The following RICTOR variants were observed in gnomAD, a reference collection of about 807,000 sequenced individuals.
RICTOR encodes the protein rapamycin-insensitive companion of mTOR.
Under a neutral mutation model 214.9 loss-of-function variants are expected in RICTOR, and 49 were observed. That is an observed-to-expected ratio of 0.23 (90% CI 0.18 to 0.29). The LOEUF (loss-of-function observed/expected upper bound fraction) is 0.29, where lower values mean the gene tolerates loss of function less well. Ranked by LOEUF, RICTOR falls within the 10% of genes least tolerant of loss-of-function variation. RICTOR has a pLI of 1.00. For synonymous variants in RICTOR, 717 were observed against 711.3 expected (o/e 1.01, Z -0.13); for missense variants, 1,625 against 2,047.0 (o/e 0.79, Z 3.98).
chr5:38,985,632 C>A (rs1325600985), intron 7 of RICTOR, among the ~76,000 whole-genome samples: 1 of 152,148 alleles, frequency 6.6e-6, no homozygotes, highest in Non-Finnish European at 1.5e-5. Flanking sequence ...AAATATTCAT[C>A]CATGTTCCCC....
rs945601056 is a variant in RICTOR, at chr5:38,939,534, T to C, written c.*2770A>G. 1 of 231,858 alleles carries C rather than the reference T, an allele frequency of 4.3e-6. No individual in the cohort carries two copies. The highest frequency in any genetic ancestry group is 1.8e-4 in the South Asian group (1 of 5,514). The allele number at this position is 231,858 out of a possible 1,614,324, so 14.4% of individuals were successfully genotyped here. A position where few individuals can be genotyped will look rare whatever the true frequency, so the allele number is the denominator to read the frequency against. ...TTAGAGCATATTTAATTATGAATACTAAATTTCTAATTTCCTTATTTATCA... is the reference window on the plus strand; with the variant it reads ...TTAGAGCATATTTAATTATGAATACCAAATTTCTAATTTCCTTATTTATCA... On this transcript the variant is annotated 3_prime_UTR_variant, in exon 38 of 38. Coordinates refer to ENST00000357387, the MANE Select transcript of RICTOR (RefSeq NM_152756.5).
intron 2 of RICTOR, among the ~76,000 whole-genome samples, chr5:39,058,436 G>T (rs1758331059): frequency 6.6e-6 from 1 of 152,128 alleles, no homozygotes; most frequent in African/African-American, 2.4e-5. Context: ...GATACTATCA[G>T]TCTAATAAAG....
intron 27 of RICTOR, among the ~76,000 whole-genome samples, chr5:38,953,839 A>C (rs185514961): frequency 1.3e-5 from 2 of 151,914 alleles, no homozygotes; most frequent in African/African-American, 4.8e-5. Context: ...TTGCATCATA[A>C]GGTTTCAAGA....
intron 2 of RICTOR, among the ~76,000 whole-genome samples, chr5:39,058,558 A>G (rs1388680148): frequency 6.6e-6 from 1 of 152,130 alleles, no homozygotes; most frequent in Non-Finnish European, 1.5e-5. Context: ...CTTAAAATAG[A>G]GAATCAGAAA....
intron 3 of RICTOR, 51 bp downstream of exon 3, chr5:39,020,988 G>T: frequency 2.3e-6 from 2 of 876,314 alleles, no homozygotes; most frequent in Non-Finnish European, 3.9e-6. Flanking sequence ...TTTAGTAAGT[G>T]TGGTAAGGAA....
intron 10 of RICTOR, among the ~76,000 whole-genome samples, chr5:38,974,372 G>A (rs1188888929): frequency 6.6e-6 from 1 of 151,946 alleles, no homozygotes; most frequent in Non-Finnish European, 1.5e-5. Flanking sequence ...AGGGCTCCAG[G>A]GGAAATTGAA....
At chr5:39,029,838 A>C (rs540217595) in intron 2 of RICTOR, among the ~76,000 whole-genome samples, 2 of 152,300 alleles carry the variant, frequency 1.3e-5, no homozygotes, top group African/African-American at 2.4e-5. Flanking sequence ...CTACTCAATA[A>C]ATAATGACTA....
intron 24 of RICTOR, 48 bp from the exon 25 acceptor site, chr5:38,957,778 G>A (rs373281433): frequency 2.9e-5 from 29 of 1,015,088 alleles, no homozygotes; most frequent in African/African-American, 1.8e-4. Context: ...TGGCAAAAAC[G>A]TATCTTAAGA....
At chr5:39,071,319 T>G (rs941288771) in intron 2 of RICTOR, among the ~76,000 whole-genome samples, 1 of 152,136 alleles carries the variant, frequency 6.6e-6, no homozygotes, top group Non-Finnish European at 1.5e-5. Flanking sequence ...TCAGATAGAC[T>G]ATACCCAATT....
rs546038963 is a variant in RICTOR, at chr5:38,973,710, C to T, written c.890-1751G>A. Among the ~76,000 whole-genome samples, 9 of 152,110 alleles carry T rather than the reference C, an allele frequency of 5.9e-5. No homozygotes were observed. The South Asian group carries it at 6.2e-4, about 11-fold the overall frequency. On this transcript the variant is annotated intron_variant, in intron 10 of 37. Transcript: ENST00000357387. ...TGCTTAAAGTATCAAAATACTATTTCGCAAATTTTGATGTCTGAGAGTAGT... is the reference window on the plus strand; with the variant it reads ...TGCTTAAAGTATCAAAATACTATTTTGCAAATTTTGATGTCTGAGAGTAGT...
chr5:39,074,005 C>G, intron 2 of RICTOR, 106 bp downstream of exon 2: 2 of 740,740 alleles, frequency 2.7e-6, no homozygotes, highest in Non-Finnish European at 3.6e-6. Context: ...GGCCCCCGCA[C>G]CCCGCCGGTC....
chr5:38,990,771 TGATATATATGA>T (rs1470085016), intron 7 of RICTOR, among the ~76,000 whole-genome samples, 167 bp downstream of exon 7: 2 of 118,860 alleles, frequency 1.7e-5, no homozygotes, highest in Non-Finnish European at 1.7e-5. Context: ...ATGAGATATA[TGATATATATGA>T]GATATATGAG....
rs559644315 is a variant in RICTOR, at chr5:38,949,505, G to A, written c.4136+207C>T. 2.3e-6 allele frequency: 3 copies of A among 1,324,434 alleles called. No individual in the cohort carries two copies. The East Asian group carries it at 7.0e-5, about 31-fold the overall frequency. 82.0% of individuals were successfully genotyped at this position (1,324,434 alleles called of 1,614,324 possible). A position where few individuals can be genotyped will look rare whatever the true frequency, so the allele number is the denominator to read the frequency against. ...GCAAAGCATGTATGTTTATTTTCAGGGCCTATAGGATTTTCTTCCCCCCTC... is the reference window on the plus strand; with the variant it reads ...GCAAAGCATGTATGTTTATTTTCAGAGCCTATAGGATTTTCTTCCCCCCTC... On this transcript the variant is annotated intron_variant, in intron 31 of 37. Transcript: ENST00000357387.
chr5:39,013,335 AC>A (rs1398925327), intron 3 of RICTOR, among the ~76,000 whole-genome samples: 3 of 152,166 alleles, frequency 2.0e-5, no homozygotes, highest in Admixed American at 2.0e-4. Context: ...CACTGGTTTG[AC>A]TATTAAAATC....
intron 8 of RICTOR, among the ~76,000 whole-genome samples, chr5:38,979,617 T>G (rs1255603845): frequency 6.6e-6 from 1 of 152,166 alleles, no homozygotes; most frequent in Non-Finnish European, 1.5e-5. Context: ...GCTACATGGT[T>G]ATGGCTCAAA....
chr5:39,026,814 C>T (rs1054895160), intron 2 of RICTOR, among the ~76,000 whole-genome samples: 2 of 151,800 alleles, frequency 1.3e-5, no homozygotes, highest in African/African-American at 4.8e-5. Flanking sequence ...TTGAGACCAG[C>T]CTGACCAATA....
At chr5:38,985,383 T>C (rs1431416953) in intron 7 of RICTOR, among the ~76,000 whole-genome samples, 4 of 152,194 alleles carry the variant, frequency 2.6e-5, no homozygotes, top group African/African-American at 4.8e-5. Flanking sequence ...GTTTTAGAAC[T>C]GCGGATGGTT....
In RICTOR at chr5:38,953,109, A is replaced by G. The variant is rs777269557; in HGVS notation, c.2791-18T>C. The G allele has an allele frequency of 6.7e-7, 1 of 1,490,686 alleles. No individual in the cohort carries two copies. The highest frequency in any genetic ancestry group is 1.1e-5 in the South Asian group (1 of 87,810). 92.3% of individuals were successfully genotyped at this position (1,490,686 alleles called of 1,614,324 possible). A position where few individuals can be genotyped will look rare whatever the true frequency, so the allele number is the denominator to read the frequency against. On this transcript the variant is annotated intron_variant, in intron 28 of 37. Coordinates refer to ENST00000357387, the MANE Select transcript of RICTOR (RefSeq NM_152756.5). ...ATATTTCCCTGAAAGAAAAGAAATC[A>G]CTTACATCAAATATAAGAGTCACTC... is the stretch of plus-strand genomic sequence containing the variant.
intron 3 of RICTOR, among the ~76,000 whole-genome samples, chr5:39,019,204 T>TG (rs1755201457): frequency 6.6e-6 from 1 of 152,078 alleles, no homozygotes; most frequent in South Asian, 2.1e-4. Context: ...AAGCAGTAGG[T>TG]GCCGATACAG....
Sources: gnomAD v4.1 joint callset for allele counts (sites outside exome capture counted in the v4.1 genomes callset) on GRCh38, gnomAD v4.1.1 for gene constraint, MANE v1.5 for transcripts, NCBI Gene and HGNC (gene_info 2026-07-23, HGNC 2026-07-21) for gene names.